PAH: variants seen among roughly 807,000 people sequenced by gnomAD.
PAH encodes phenylalanine-4-hydroxylase.
In PAH, 64 loss-of-function variants were observed where a neutral mutation model predicts 62.0. The ratio of observed to expected loss-of-function variants is 1.03; its 90% confidence interval spans 0.84 to 1.27. The LOEUF (loss-of-function observed/expected upper bound fraction) is 1.27, where lower values mean the gene tolerates loss of function less well. Among genes scored for constraint, PAH ranks in the 50% most tolerant of loss-of-function variants. The pLI, the probability that PAH is intolerant of heterozygous loss-of-function variation, is 0.00. For synonymous variants in PAH, 195 were observed against 196.2 expected (o/e 0.99, Z 0.05); for missense variants, 579 against 542.8 (o/e 1.07, Z -0.66).
chr12:102,928,358 G>T (rs1039868371), intron 1 of PAH, among the ~76,000 whole-genome samples: 62 of 152,290 alleles, frequency 4.1e-4, no homozygotes, highest in African/African-American at 1.4e-3. Flanking sequence ...ACTGTTGACT[G>T]ATAGGTTTTT....
chr12:102,846,837 A>C, intron 9 of PAH, 58 bp downstream of exon 9: 1 of 1,443,090 alleles, frequency 6.9e-7, no homozygotes, highest in Non-Finnish European at 9.8e-7. Context: ...AGTTTCAAAG[A>C]CCTGAGGGCC....
chr12:102,924,780 C>T (rs1390064195), intron 1 of PAH, among the ~76,000 whole-genome samples: 1 of 152,216 alleles, frequency 6.6e-6, no homozygotes, highest in South Asian at 2.1e-4. Context: ...CAGCATACAC[C>T]TGGATCTACT....
chr12:102,874,943 C>T (rs80040319), intron 4 of PAH, among the ~76,000 whole-genome samples: 2,981 of 152,250 alleles, frequency 0.02, 101 homozygotes, highest in African/African-American at 0.067. Flanking sequence ...CAGGATGCAA[C>T]GGGACAGAGA....
intron 9 of PAH, among the ~76,000 whole-genome samples, chr12:102,845,767 A>G (rs551051044): frequency 6.6e-6 from 1 of 152,302 alleles, no homozygotes; most frequent in East Asian, 1.9e-4. Flanking sequence ...CAGCCCAGGA[A>G]GGTAAGGCAA....
At chr12:102,900,436 T>C (rs1473297790) in intron 2 of PAH, among the ~76,000 whole-genome samples, 3 of 151,992 alleles carry the variant, frequency 2.0e-5, no homozygotes, top group East Asian at 3.9e-4. Context: ...ATAATAGATA[T>C]AGGTATGGGA....
intron 1 of PAH, among the ~76,000 whole-genome samples, chr12:102,948,202 C>T (rs1016025562): frequency 6.6e-6 from 1 of 152,058 alleles, no homozygotes; most frequent in Non-Finnish European, 1.5e-5. Context: ...TTATAAGTTA[C>T]AGGTTTATGA....
At chr12:102,909,945 T>G (rs1878136785) in intron 2 of PAH, among the ~76,000 whole-genome samples, 1 of 152,100 alleles carries the variant, frequency 6.6e-6, no homozygotes, top group Admixed American at 6.6e-5. Context: ...TGTGACAGAG[T>G]AAGACTCTGT....
At chr12:102,886,099 G>A (rs1877029115) in intron 3 of PAH, 1 of 152,226 alleles carries the variant, frequency 6.6e-6, no homozygotes, top group Admixed American at 6.5e-5. Flanking sequence ...TCTTTCTGGA[G>A]AAGGAATGCT....
chr12:102,877,295 CAATA>C (rs1876608482), intron 4 of PAH, 163 bp downstream of exon 4: 2 of 687,754 alleles, frequency 2.9e-6, no homozygotes, highest in East Asian at 5.4e-5. Context: ...ATGATGATGA[CAATA>C]AAGTCTTGCT....
chr12:102,860,547 C>G (rs576680788), intron 5 of PAH, among the ~76,000 whole-genome samples: 336 of 152,208 alleles, frequency 2.2e-3, no homozygotes, highest in African/African-American at 8.0e-3. Context: ...GCCAAAAGAA[C>G]AAAGCTGGAG....
At chr12:102,955,308 T>C (rs1879879747), upstream of PAH, among the ~76,000 whole-genome samples, 1 of 152,208 alleles carries the variant, frequency 6.6e-6, no homozygotes, top group South Asian at 2.1e-4. Context: ...TTCTAAGCTG[T>C]TAGATACAAG....
chr12:102,901,791 C>G (rs1877771213), intron 2 of PAH, among the ~76,000 whole-genome samples: 1 of 152,066 alleles, frequency 6.6e-6, no homozygotes, highest in Admixed American at 6.6e-5. Flanking sequence ...AAAAAATGCC[C>G]TAAATCACTG....
At chr12:102,841,950 G>A (rs1874613321) in intron 11 of PAH, among the ~76,000 whole-genome samples, 1 of 152,176 alleles carries the variant, frequency 6.6e-6, no homozygotes, top group Non-Finnish European at 1.5e-5. Context: ...TCTCTTGGCT[G>A]AGATGCTTTG....
At chr12:102,863,357 T>C (rs1340596775) in intron 5 of PAH, among the ~76,000 whole-genome samples, 1 of 152,184 alleles carries the variant, frequency 6.6e-6, no homozygotes, top group Non-Finnish European at 1.5e-5. Flanking sequence ...TGACACCTGC[T>C]GTTCTAGGGA....
exon 1 of PAH, chr12:102,958,220 C>A: frequency 3.4e-6 from 5 of 1,456,670 alleles, no homozygotes; most frequent in Non-Finnish European, 4.5e-6. Context: ...GCTCTGATTC[C>A]GCGACTCCTT....
chr12:102,868,080 GTGTGTGTGTATATATATA>G lies in PAH; in HGVS notation c.442-1435_442-1418del, dbSNP rs1565854812. ...TATATACACATATATATACATATAT[GTGTGTGTGTATATATATA>G]TATATACACATATATATACATATAT... On this transcript the variant is annotated intron_variant, in intron 4 of 12. Coordinates refer to ENST00000553106, the MANE Select transcript of PAH (RefSeq NM_000277.3). Among the ~76,000 whole-genome samples the G allele has an allele frequency of 8.4e-5, 4 of 47,758 alleles. 1 individual carries two copies. Among genetic ancestry groups the G allele is most frequent in the South Asian group, 6.8e-4 (1 of 1,462 alleles). 31.3% of individuals were successfully genotyped at this position (47,758 alleles called of 152,430 possible). A position where few individuals can be genotyped will look rare whatever the true frequency, so the allele number is the denominator to read the frequency against.
At chr12:102,878,198 C>T (rs1255141081) in intron 3 of PAH, among the ~76,000 whole-genome samples, 2 of 152,334 alleles carry the variant, frequency 1.3e-5, no homozygotes, top group East Asian at 3.9e-4. Flanking sequence ...TGTAAATGAG[C>T]TCATGAGAAC....
At chr12:102,843,201 C>A (rs117669542) in intron 11 of PAH, among the ~76,000 whole-genome samples, 1 of 152,210 alleles carries the variant, frequency 6.6e-6, no homozygotes, top group Admixed American at 6.5e-5. Flanking sequence ...GTATTACAGA[C>A]GCACTGGTGG....
chr12:102,845,081 G>A (rs932986828), intron 9 of PAH, among the ~76,000 whole-genome samples: 3 of 152,158 alleles, frequency 2.0e-5, no homozygotes, highest in Non-Finnish European at 4.4e-5. Context: ...GGAGAAGGCA[G>A]CAACTGCCCC....
Sources: allele counts gnomAD v4.1 joint callset (sites outside exome capture counted in the v4.1 genomes callset), GRCh38; gene constraint gnomAD v4.1.1; transcripts MANE v1.5; gene names NCBI Gene and HGNC (gene_info 2026-07-23, HGNC 2026-07-21).